The following VLDLR variants were observed in gnomAD, a reference collection of about 807,000 sequenced individuals.
VLDLR encodes the protein very low-density lipoprotein receptor.
A neutral mutation model predicts 112.7 loss-of-function variants in VLDLR; 81 were observed. The ratio of observed to expected loss-of-function variants is 0.72; its 90% CI spans 0.60 to 0.86. VLDLR has a LOEUF of 0.86. VLDLR is among the 40% of genes least tolerant of loss of function. The pLI is 0.00. For synonymous variants in VLDLR, 436 were observed against 384.8 expected, an observed-to-expected ratio of 1.13 and a Z score of -1.56; for missense variants, 1,237 against 1,099.4, an observed-to-expected ratio of 1.13 and a Z score of -1.77.
intron 10 of VLDLR, 88 bp downstream of exon 10, chr9:2,645,833 T>C (rs1318917738): frequency 4.6e-6 from 7 of 1,519,180 alleles, no homozygotes; most frequent in Non-Finnish European, 6.4e-6. Context: ...GAGTTTCTTT[T>C]GTGTCTAGCC....
intron 7 of VLDLR, 121 bp downstream of exon 7, chr9:2,644,080 T>C (rs1817949242): frequency 1.4e-6 from 2 of 1,449,030 alleles, no homozygotes; most frequent in Non-Finnish European, 1.9e-6. Flanking sequence ...AGTTCAATTG[T>C]AGACTTCAGA....
chr9:2,633,051 A>AGTGTGT lies in VLDLR; in HGVS notation c.83-2370_83-2365dup, dbSNP rs71329439. ...TTATTGGAGAGAGAGAGAGAGAGAG[A>AGTGTGT]GTGTGTGTGTGTGTGTGTGTGTGTG... On this transcript the variant is annotated intron_variant, in intron 1 of 18. Transcript: ENST00000382100. Among the ~76,000 whole-genome samples, 154 of 115,428 alleles carry AGTGTGT rather than the reference A, an allele frequency of 1.3e-3. 1 individual carries two copies. The highest frequency in any genetic ancestry group is 3.7e-3 in the East Asian group (15 of 4,094). The allele number at this position is 115,428 out of a possible 152,430, so 75.7% of individuals were successfully genotyped here.
At chr9:2,650,619 A>G (rs1818284424) in intron 15 of VLDLR, 103 bp downstream of exon 15, 1 of 1,498,314 alleles carries the variant, frequency 6.7e-7, no homozygotes, top group Non-Finnish European at 9.1e-7. Flanking sequence ...AATTCTTTGA[A>G]TAGATTTGAG....
chr9:2,652,928 T>C lies in VLDLR; in HGVS notation c.2565T>C (p.Ser855=), dbSNP rs770635848. ...LSIDIGRHSA[S]VGHTYPAISV... ...TAGACATTGGTAGACACAGTGCTTC[T>C]GTTGGACACACGTACCCAGCAGTAA... The change falls in exon 18 of 19, where the codon TCT becomes TCC. Residue 855 remains serine, a synonymous_variant. Transcript: ENST00000382100. The C allele has an allele frequency of 2.5e-6, 4 of 1,614,114 alleles. No homozygotes were observed. The highest frequency in any genetic ancestry group is 3.4e-6 in the Non-Finnish European group (4 of 1,179,958).
chr9:2,649,626 A>G (rs894675937), intron 14 of VLDLR, among the ~76,000 whole-genome samples: 3 of 152,142 alleles, frequency 2.0e-5, no homozygotes, highest in Non-Finnish European at 4.4e-5. Flanking sequence ...TCCTGACCCA[A>G]AGTAATCTGC....
intron 1 of VLDLR, among the ~76,000 whole-genome samples, chr9:2,627,690 C>A (rs1011314038): frequency 2.6e-5 from 4 of 151,870 alleles, no homozygotes; most frequent in Non-Finnish European, 4.4e-5. Flanking sequence ...TAGTGAAAGC[C>A]CATCTCTACT....
intron 11 of VLDLR, 81 bp downstream of exon 11, chr9:2,646,633 C>G: frequency 7.7e-7 from 1 of 1,306,010 alleles, no homozygotes; most frequent in East Asian, 2.4e-5. Flanking sequence ...AATTAGTACT[C>G]AAATCTCAAG....
intron 1 of VLDLR, among the ~76,000 whole-genome samples, chr9:2,629,968 A>G (rs1184950288): frequency 6.6e-6 from 1 of 152,062 alleles, no homozygotes; most frequent in Non-Finnish European, 1.5e-5. Flanking sequence ...TAATTTTTGT[A>G]TTTTTAGCAG....
At chr9:2,645,768 G>T (rs1261599599) in intron 10 of VLDLR, 23 bp downstream of exon 10, 1 of 1,613,374 alleles carries the variant, frequency 6.2e-7, no homozygotes, top group African/African-American at 1.3e-5. Flanking sequence ...TCCTTTTGTG[G>T]TGTCTTGACA....
chr9:2,623,764 C>G (rs1452246766), intron 1 of VLDLR, among the ~76,000 whole-genome samples: 1 of 152,126 alleles, frequency 6.6e-6, no homozygotes, highest in Admixed American at 6.5e-5. Context: ...GGGCTGTTCT[C>G]TCAAATGCCT....
At chr9:2,637,769 G>A (rs1385674800) in intron 2 of VLDLR, among the ~76,000 whole-genome samples, 8 of 151,978 alleles carry the variant, frequency 5.3e-5, no homozygotes, top group Non-Finnish European at 1.0e-4. Flanking sequence ...GTGAAACCCC[G>A]TCTCCACTAA....
chr9:2,631,084 T>C (rs13283954), intron 1 of VLDLR, among the ~76,000 whole-genome samples: 29,624 of 152,110 alleles, frequency 0.19, 3,782 homozygotes, highest in Non-Finnish European at 0.28. Context: ...TACTAATCAT[T>C]AGAGAAATGC....
Position 2,641,427 on chromosome 9 carries a change from C to T in VLDLR, c.376C>T (p.Gln126Ter), listed in dbSNP as rs1404412704. Reference sequence around the variant, plus strand: ...AATCAGCTGTGGCGCCCATTCTACTCAGTGTATCCCAGTGTCCTGGAGATG... The same window carrying T: ...AATCAGCTGTGGCGCCCATTCTACTTAGTGTATCCCAGTGTCCTGGAGATG... ...HEISCGAHSTQCIPVSWRCDG... is the reference protein window; with the variant it reads ...HEISCGAHST Residue 126 changes from glutamine (Q) to a stop codon, truncating the protein, a stop_gained, in exon 4 of 19, where the codon CAG (glutamine) becomes TAG (stop). Coordinates refer to ENST00000382100, the MANE Select transcript of VLDLR (RefSeq NM_003383.5). LOFTEE classifies it high-confidence loss of function. 1 of 1,614,194 alleles carries T rather than the reference C, an allele frequency of 6.2e-7. No individual in the cohort carries two copies. Among genetic ancestry groups the T allele is most frequent in the Non-Finnish European group, 8.5e-7 (1 of 1,180,042 alleles).
intron 17 of VLDLR, 83 bp from the exon 18 acceptor site, chr9:2,652,697 T>C: frequency 6.4e-7 from 1 of 1,569,898 alleles, no homozygotes; most frequent in African/African-American, 1.4e-5. Context: ...TGTCAATTAT[T>C]ATGGATTCCT....
At position 2,653,966 on chromosome 9, in the gene VLDLR, G is replaced by T; in HGVS notation, c.*98G>T. On this transcript the variant is annotated 3_prime_UTR_variant, in exon 19 of 19. Coordinates refer to ENST00000382100, the MANE Select transcript of VLDLR (RefSeq NM_003383.5). ...GCTGAAGTCTCTTTTTCTTCCTCTC[G>T]GCTGGAAGAACATCAAGATACCTTT... 2.3e-6 allele frequency: 3 copies of T among 1,300,374 alleles called. No homozygotes were observed. Among genetic ancestry groups the T allele is most frequent in the East Asian group, 2.3e-5 (1 of 43,198 alleles). The allele number at this position is 1,300,374 out of a possible 1,614,324, so 80.6% of individuals were successfully genotyped here.
rs748580464 is a variant in VLDLR at position 2,643,634 on chromosome 9, G to C, written c.827G>C (p.Arg276Pro). 25 of 1,614,052 alleles carry C rather than the reference G, an allele frequency of 1.5e-5. No homozygotes were observed. The East Asian group carries it at 2.2e-4, about 14-fold the overall frequency. ...GTGTTTCCTCCCTTTGTAGCCTCTCGAACTTGCCGACCTGACCAATTTGAA... is the reference window on the plus strand; with the variant it reads ...GTGTTTCCTCCCTTTGTAGCCTCTCCAACTTGCCGACCTGACCAATTTGAA... ...DGSDEVNCPS[R>P]TCRPDQFECE... Residue 276 changes from arginine to proline, a missense_variant, in exon 6 of 19, where the codon CGA (arginine) becomes CCA (proline). By Grantham distance (103) the Arg-to-Pro change is moderately radical. Transcript: ENST00000382100.
chr9:2,634,192 A>T (rs1205949091), intron 1 of VLDLR, among the ~76,000 whole-genome samples: 1 of 152,176 alleles, frequency 6.6e-6, no homozygotes, highest in Non-Finnish European at 1.5e-5. Context: ...GCCACAAAGC[A>T]CGAAATGCTC....
chr9:2,650,563 A>G, intron 15 of VLDLR, 47 bp downstream of exon 15: 1 of 1,608,338 alleles, frequency 6.2e-7, no homozygotes, highest in Non-Finnish European at 8.5e-7. Flanking sequence ...ACAACAAGCA[A>G]TATAATAAGA....
chr9:2,647,390 C>A, intron 11 of VLDLR, 84 bp from the exon 12 acceptor site: 1 of 1,201,364 alleles, frequency 8.3e-7, no homozygotes, highest in South Asian at 1.2e-5. Context: ...GTTTTCTGCT[C>A]AAATTTTAAA....
Sources: gnomAD v4.1 joint callset for allele counts (sites outside exome capture counted in the v4.1 genomes callset) on GRCh38, gnomAD v4.1.1 for gene constraint, MANE v1.5 for transcripts, NCBI Gene and HGNC (gene_info 2026-07-23, HGNC 2026-07-21) for gene names.